The following PAPPA variants were observed in gnomAD, a reference collection of about 807,000 sequenced individuals.
PAPPA encodes pappalysin-1.
In PAPPA, 60 loss-of-function variants were observed where a neutral mutation model predicts 164.0. The ratio of observed to expected loss-of-function variants is 0.37; its 90% CI spans 0.30 to 0.45. The LOEUF (loss-of-function observed/expected upper bound fraction) is 0.45, where lower values mean the gene tolerates loss of function less well. Ranked by LOEUF, PAPPA falls within the 20% of genes least tolerant of loss-of-function variation. The pLI is 1.00. For missense variants in PAPPA, 1,782 were observed against 2,087.3 expected, an observed-to-expected ratio of 0.85 and a Z score of 2.85; for synonymous variants, 875 against 814.1, an observed-to-expected ratio of 1.07 and a Z score of -1.27.
At chr9:116,235,834 C>A (rs557727995) in intron 7 of PAPPA, among the ~76,000 whole-genome samples, 197 bp downstream of exon 7, 6 of 152,170 alleles carry the variant, frequency 3.9e-5, no homozygotes, top group Non-Finnish European at 8.8e-5. Flanking sequence ...GGGAAGGAAC[C>A]ATTAGACCTG....
Position 116,400,140 on chromosome 9 carries a change from G to A in PAPPA, c.*3524G>A, listed in dbSNP as rs1398236967. ...AAGTGAGAAAATAAAAAAAAATGGT[G>A]ACAAAGCTGTACAGATAGAGATAAT... On this transcript the variant is annotated 3_prime_UTR_variant, in exon 22 of 22. Coordinates refer to ENST00000328252, the MANE Select transcript of PAPPA (RefSeq NM_002581.5). 2 of 152,370 alleles carry A rather than the reference G, an allele frequency of 1.3e-5. No individual in the cohort carries two copies. Among genetic ancestry groups the A allele is most frequent in the East Asian group, 3.9e-4 (2 of 5,182 alleles). 9.4% of individuals were successfully genotyped at this position (152,370 alleles called of 1,614,324 possible).
intron 1 of PAPPA, among the ~76,000 whole-genome samples, chr9:116,161,033 A>G (rs1433351776): frequency 6.6e-6 from 1 of 152,160 alleles, no homozygotes; most frequent in Admixed American, 6.5e-5. Context: ...AGGTGAGACA[A>G]TGCCGGGAGA....
In PAPPA at chr9:116,235,305, G is replaced by T; in HGVS notation, c.2400G>T (p.Val800=). The change falls in exon 7 of 22, where the codon GTG becomes GTT. Residue 800 remains valine (V), a synonymous_variant. Transcript: ENST00000328252. ...TCCCTGAGTCTCTGACCATTTGGGT[G>T]ACCTTTGTCTCCACTGACTGGGACT... The part of the protein sequence containing the change: ...PLVPESLTIW[V]TFVSTDWDSS... 6.2e-7 allele frequency: 1 copy of T among 1,614,142 alleles called. No individual in the cohort carries two copies.
chr9:116,162,309 A>T (rs142777460), intron 1 of PAPPA, among the ~76,000 whole-genome samples: 7 of 152,302 alleles, frequency 4.6e-5, no homozygotes, highest in South Asian at 2.1e-4. Flanking sequence ...CAGGCCCAGA[A>T]GTATTGTGAC....
chr9:116,366,428 T>A (rs1588022368), intron 18 of PAPPA, among the ~76,000 whole-genome samples: 2 of 152,220 alleles, frequency 1.3e-5, no homozygotes, highest in African/African-American at 4.8e-5. Flanking sequence ...TGATTTTTTT[T>A]ATTCCTTTAT....
chr9:116,234,174 G>T (rs1357434106), intron 6 of PAPPA, among the ~76,000 whole-genome samples: 1 of 152,148 alleles, frequency 6.6e-6, no homozygotes, highest in African/African-American at 2.4e-5. Context: ...CCTCAGTAGT[G>T]CAAGGAAGAG....
At chr9:116,217,705 T>A (rs1269334393) in intron 4 of PAPPA, among the ~76,000 whole-genome samples, 1 of 152,102 alleles carries the variant, frequency 6.6e-6, no homozygotes, top group African/African-American at 2.4e-5. Context: ...CTAACATTTA[T>A]CATGGGGCAG....
intron 9 of PAPPA, among the ~76,000 whole-genome samples, chr9:116,288,332 G>A (rs568955787): frequency 6.6e-6 from 1 of 152,148 alleles, no homozygotes; most frequent in South Asian, 2.1e-4. Flanking sequence ...TTGCGCCACC[G>A]CACTCAAGCC....
chr9:116,216,773 A>T (rs936377590), intron 4 of PAPPA, among the ~76,000 whole-genome samples: 2 of 151,752 alleles, frequency 1.3e-5, no homozygotes, highest in Non-Finnish European at 2.9e-5. Flanking sequence ...GCGGAGTCTT[A>T]CTCTGTCGCC....
chr9:116,164,073 G>T (rs1047679364), intron 1 of PAPPA, among the ~76,000 whole-genome samples: 1 of 152,076 alleles, frequency 6.6e-6, no homozygotes, highest in Admixed American at 6.5e-5. Context: ...TAATTTCTTA[G>T]GATATAAAGG....
intron 9 of PAPPA, among the ~76,000 whole-genome samples, chr9:116,277,338 G>T: frequency 6.6e-6 from 1 of 152,114 alleles, no homozygotes; most frequent in Admixed American, 6.5e-5. Flanking sequence ...AAAGAAAGAG[G>T]AATATAGGTG....
chr9:116,262,210 A>C (rs1845011233), intron 7 of PAPPA, among the ~76,000 whole-genome samples: 1 of 152,146 alleles, frequency 6.6e-6, no homozygotes, highest in African/African-American at 2.4e-5. Context: ...TTAAAAAAAA[A>C]AAAAAAATCG....
rs1844971207 is a variant in PAPPA at position 116,259,130 on chromosome 9, T to C, written c.2733-6727T>C. On this transcript the variant is annotated intron_variant, in intron 7 of 21. Coordinates refer to ENST00000328252, the MANE Select transcript of PAPPA (RefSeq NM_002581.5). ...CCTGGACAACAATAATGAAACTCCGTCTAAAAAATAATAATAGTAAATAAT... is the reference window on the plus strand; with the variant it reads ...CCTGGACAACAATAATGAAACTCCGCCTAAAAAATAATAATAGTAAATAAT... Among the ~76,000 whole-genome samples, 3 of 151,662 alleles carry C rather than the reference T, an allele frequency of 2.0e-5. No individual in the cohort carries two copies. In the South Asian group the frequency reaches 6.2e-4, roughly 31 times the overall value.
chr9:116,303,638 T>A (rs1196357724), intron 10 of PAPPA, among the ~76,000 whole-genome samples: 1 of 152,122 alleles, frequency 6.6e-6, no homozygotes, highest in Non-Finnish European at 1.5e-5. Flanking sequence ...TCCCCGAGAC[T>A]CAAATTTCCC....
chr9:116,226,769 T>A (rs1481255122), intron 5 of PAPPA, among the ~76,000 whole-genome samples: 2 of 152,236 alleles, frequency 1.3e-5, no homozygotes, highest in Non-Finnish European at 2.9e-5. Context: ...GAAGCCATCA[T>A]AATATTCCAC....
At chr9:116,201,909 G>T (rs2118662672) in intron 2 of PAPPA, among the ~76,000 whole-genome samples, 1 of 152,286 alleles carries the variant, frequency 6.6e-6, no homozygotes, top group African/African-American at 2.4e-5. Context: ...TCCTCCAGTT[G>T]AGGGCATCTA....
rs1419943792 is a variant in PAPPA at position 116,382,499 on chromosome 9, C to G, written c.4776+6C>G. The stretch of plus-strand genomic sequence containing the variant: ...CCACAGTGAAGACCAAAAAGGTAGG[C>G]CAGTGTGCACTCCTCGGCAGCTGCC... On this transcript the variant is annotated splice_donor_region_variant and intron_variant, in intron 21 of 21. Coordinates refer to ENST00000328252, the MANE Select transcript of PAPPA (RefSeq NM_002581.5). 13 of 1,576,484 alleles carry G rather than the reference C, an allele frequency of 8.2e-6. No individual in the cohort carries two copies. Among genetic ancestry groups the G allele is most frequent in the South Asian group, 4.4e-5 (4 of 90,302 alleles).
intron 7 of PAPPA, among the ~76,000 whole-genome samples, chr9:116,246,251 C>T (rs1844795553): frequency 1.3e-5 from 2 of 152,090 alleles, no homozygotes; most frequent in Admixed American, 6.6e-5. Context: ...ATTTTTCCCC[C>T]ATTCTATAAA....
intron 7 of PAPPA, among the ~76,000 whole-genome samples, chr9:116,254,273 G>A (rs1054308374): frequency 1.3e-5 from 2 of 152,124 alleles, no homozygotes; most frequent in Non-Finnish European, 2.9e-5. Context: ...AGGCTATTTC[G>A]TTGGATAAGT....
Sources: allele counts gnomAD v4.1 joint callset (sites outside exome capture counted in the v4.1 genomes callset), GRCh38; gene constraint gnomAD v4.1.1; transcripts MANE v1.5; gene names NCBI Gene and HGNC (gene_info 2026-07-23, HGNC 2026-07-21).